The following WDR45 variants were observed in gnomAD, a reference collection of about 807,000 sequenced individuals.
The protein encoded by WDR45 is WD repeat domain phosphoinositide-interacting protein 4.
WDR45 carries 2 observed loss-of-function variants against 27.3 expected under a neutral mutation model. The observed-to-expected ratio is 0.07, with a 90% CI of 0.03 to 0.23. WDR45 has a LOEUF of 0.23. Ranked by LOEUF, WDR45 falls within the 10% of genes least tolerant of loss-of-function variation. The pLI, the probability that WDR45 is intolerant of heterozygous loss-of-function variation, is 1.00. For missense variants in WDR45, 175 were observed against 311.9 expected, an observed-to-expected ratio of 0.56 and a Z score of 3.31; for synonymous variants, 99 against 119.2, an observed-to-expected ratio of 0.83 and a Z score of 1.11.
At chrX:49,082,382 T>G, upstream of WDR45, among the ~76,000 whole-genome samples, 1 of 111,636 alleles carries the variant, frequency 9.0e-6, no homozygotes, top group East Asian at 2.8e-4. Flanking sequence ...GATGGCTGCC[T>G]AGGTTGTTTC....
intron 2 of WDR45, among the ~76,000 whole-genome samples, chrX:49,086,288 G>A (rs1557085890): frequency 9.0e-6 from 1 of 111,531 alleles, no homozygotes; most frequent in Non-Finnish European, 1.9e-5. Context: ...GAGTAGCTGG[G>A]ATTACAGGTG....
At chrX:49,084,998 G>A (rs1226422348) in intron 2 of WDR45, among the ~76,000 whole-genome samples, 2 of 111,852 alleles carry the variant, frequency 1.8e-5, no homozygotes, top group African/African-American at 6.5e-5. Context: ...TGAAAGATGG[G>A]AAACAACGTG....
intron 2 of WDR45, among the ~76,000 whole-genome samples, chrX:49,099,071 C>T (rs183993137): frequency 3.6e-5 from 4 of 112,145 alleles, no homozygotes; most frequent in East Asian, 5.6e-4. Flanking sequence ...TGCCAGTAAT[C>T]GCAGCACTTT....
chrX:49,092,928 T>A (rs1445732603), intron 2 of WDR45, among the ~76,000 whole-genome samples: 1 of 111,998 alleles, frequency 8.9e-6, no homozygotes, highest in African/African-American at 3.2e-5. Flanking sequence ...TTCTTTTCAC[T>A]TAGTATTATG....
upstream of WDR45, among the ~76,000 whole-genome samples, chrX:49,081,498 C>G (rs1190117377): frequency 9.7e-6 from 1 of 103,385 alleles, no homozygotes; most frequent in Non-Finnish European, 2.0e-5. Flanking sequence ...CCACTGCACT[C>G]CAGCCTGGGT....
chrX:49,092,211 C>G (rs1316227804), intron 2 of WDR45, among the ~76,000 whole-genome samples: 2 of 105,106 alleles, frequency 1.9e-5, no homozygotes, highest in East Asian at 6.0e-4. Flanking sequence ...ATTTTGTATG[C>G]TATAGTAACA....
At chrX:49,075,113 A>G in intron 10 of WDR45, 23 bp downstream of exon 10, 4 of 1,207,327 alleles carry the variant, frequency 3.3e-6, no homozygotes, top group Non-Finnish European at 4.5e-6. Flanking sequence ...AGTACCCCCA[A>G]CCAAGGGGCT....
intron 2 of WDR45, among the ~76,000 whole-genome samples, chrX:49,097,358 C>T (rs1308403432): frequency 1.6e-4 from 16 of 100,238 alleles, no homozygotes; most frequent in African/African-American, 3.7e-4. Context: ...GACAGAGTCT[C>T]GCTCTGTCGC....
chrX:49,087,064 A>T (rs782245501), intron 2 of WDR45, among the ~76,000 whole-genome samples: 6 of 104,172 alleles, frequency 5.8e-5, no homozygotes, highest in South Asian at 8.3e-4. Flanking sequence ...TTTTTTTTTT[A>T]AAGATAAAGA....
chrX:49,098,998 T>C (rs2065135780), intron 2 of WDR45, among the ~76,000 whole-genome samples: 1 of 111,540 alleles, frequency 9.0e-6, no homozygotes. Context: ...AAGTGAAGTA[T>C]ACATGTTACA....
chrX:49,080,344 A>G (rs1379452521), upstream of WDR45: 7 of 110,360 alleles, frequency 6.3e-5, no homozygotes, highest in African/African-American at 2.3e-4. Flanking sequence ...AAGTGGAGAA[A>G]CCTCCTTGGC....
chrX:49,086,725 TG>T (rs1432512626), intron 2 of WDR45, among the ~76,000 whole-genome samples: 1 of 110,800 alleles, frequency 9.0e-6, no homozygotes, highest in Non-Finnish European at 1.9e-5. Flanking sequence ...TCCTGAGTAG[TG>T]GGGATTACAG....
upstream of WDR45, among the ~76,000 whole-genome samples, chrX:49,080,917 A>G (rs2065064081): frequency 1.2e-5 from 1 of 86,060 alleles, no homozygotes; most frequent in African/African-American, 4.4e-5. Flanking sequence ...TTTTTGATTA[A>G]CAGAGTTTGG....
At chrX:49,087,156 A>C (rs1195918596) in intron 2 of WDR45, among the ~76,000 whole-genome samples, 2 of 108,987 alleles carry the variant, frequency 1.8e-5, no homozygotes, top group Non-Finnish European at 3.8e-5. Flanking sequence ...TCAGGAGTTC[A>C]AGACCAGCCT....
upstream of WDR45, among the ~76,000 whole-genome samples, chrX:49,083,704 T>C (rs2065077185): frequency 9.1e-6 from 1 of 109,762 alleles, no homozygotes; most frequent in South Asian, 3.9e-4. Context: ...TCCCAGCACT[T>C]TGGGAGGGCG....
Position 49,077,370 on chromosome X carries a change from T to C in WDR45, c.235+273A>G, listed in dbSNP as rs782320909. 8.9e-5 allele frequency: 36 copies of C among 403,760 alleles called. 2 individuals carry two copies. In the Admixed American group the frequency reaches 1.2e-3, roughly 14 times the overall value. The allele number at this position is 403,760 out of a possible 1,213,427, so 33.3% of individuals were successfully genotyped here. A position where few individuals can be genotyped will look rare whatever the true frequency, so the allele number is the denominator to read the frequency against. On this transcript the variant is annotated intron_variant, in intron 4 of 10. Coordinates refer to ENST00000376372, the MANE Select transcript of WDR45 (RefSeq NM_001029896.2). ...CCATAGAGTTACTGTGAGGATTAAATGAGTTAATAAACGTAAAGTGCTTAG... is the reference window on the plus strand; with the variant it reads ...CCATAGAGTTACTGTGAGGATTAAACGAGTTAATAAACGTAAAGTGCTTAG...
At chrX:49,083,443 C>G (rs1206418116), upstream of WDR45, among the ~76,000 whole-genome samples, 1 of 107,834 alleles carries the variant, frequency 9.3e-6, no homozygotes, top group Non-Finnish European at 1.9e-5. Flanking sequence ...TTCCTCTTCT[C>G]CTGTAGCCTT....
At chrX:49,083,945 T>TAA (rs1296886066), upstream of WDR45, among the ~76,000 whole-genome samples, 333 of 48,057 alleles carry the variant, frequency 6.9e-3, 5 homozygotes, top group African/African-American at 0.025. Flanking sequence ...ACACTCTGTC[T>TAA]AAAAAAAAAA....
chrX:49,097,871 C>T (rs1408631913), intron 2 of WDR45, among the ~76,000 whole-genome samples: 12 of 97,168 alleles, frequency 1.2e-4, no homozygotes, highest in African/African-American at 2.7e-4. Flanking sequence ...TTGGTCAGGC[C>T]GGTCTTGAAC....
Sources: gnomAD v4.1 joint callset for allele counts (sites outside exome capture counted in the v4.1 genomes callset) on GRCh38, gnomAD v4.1.1 for gene constraint, MANE v1.5 for transcripts, NCBI Gene and HGNC (gene_info 2026-07-23, HGNC 2026-07-21) for gene names.